Variants in CENPP observed in about 807,000 individuals in gnomAD.
CENPP encodes the protein centromere protein P.
In CENPP, 24 loss-of-function variants were observed where a neutral mutation model predicts 35.6. The observed-to-expected ratio is 0.67, with a 90% CI of 0.49 to 0.95. CENPP has a LOEUF of 0.95. CENPP is among the 40% of genes least tolerant of loss of function. The probability of loss-of-function intolerance (pLI) is 0.00; values close to 1 mark genes in which losing one functional copy is unlikely to be tolerated. For missense variants in CENPP, 332 were observed against 345.3 expected (o/e 0.96, Z 0.31); for synonymous variants, 120 against 125.5 (o/e 0.96, Z 0.29).
chr9:92,497,256 A>T (rs1010353697), intron 5 of CENPP, among the ~76,000 whole-genome samples: 2 of 152,106 alleles, frequency 1.3e-5, no homozygotes, highest in Non-Finnish European at 2.9e-5. Flanking sequence ...GTATATCTGC[A>T]TAATATTCAG....
At chr9:92,565,341 C>T (rs930390098) in intron 5 of CENPP, among the ~76,000 whole-genome samples, 2 of 121,486 alleles carry the variant, frequency 1.6e-5, no homozygotes, top group Non-Finnish European at 1.7e-5. Context: ...GTTTTAAGAA[C>T]GTTTACGAAT....
intron 5 of CENPP, among the ~76,000 whole-genome samples, chr9:92,450,592 G>A (rs1844679713): frequency 6.6e-6 from 1 of 152,030 alleles, no homozygotes; most frequent in African/African-American, 2.4e-5. Flanking sequence ...ATGATTTATA[G>A]TCCTTTGGGT....
chr9:92,385,207 G>A (rs1842372671), intron 5 of CENPP: 1 of 154,812 alleles, frequency 6.5e-6, no homozygotes, highest in Non-Finnish European at 1.4e-5. Flanking sequence ...GCTTTTCAAA[G>A]TTTTTGGAAC....
intron 5 of CENPP, chr9:92,482,654 C>T (rs570926731): frequency 6.6e-5 from 10 of 152,282 alleles, no homozygotes; most frequent in African/African-American, 2.2e-4. Context: ...GGCAACTGGC[C>T]ATTGAAAGTG....
intron 5 of CENPP, among the ~76,000 whole-genome samples, chr9:92,535,414 A>AT (rs1031321964): frequency 6.6e-6 from 1 of 152,034 alleles, no homozygotes; most frequent in African/African-American, 2.4e-5. Context: ...TTATCAAGTA[A>AT]TTTTTTTCCT....
chr9:92,500,252 G>A (rs965221744), intron 5 of CENPP, among the ~76,000 whole-genome samples: 7 of 151,978 alleles, frequency 4.6e-5, no homozygotes, highest in Non-Finnish European at 8.8e-5. Context: ...GCACCATCCC[G>A]GCTCACTGCA....
chr9:92,355,516 C>T (rs1175788), intron 4 of CENPP, among the ~76,000 whole-genome samples: 88,974 of 151,952 alleles, frequency 0.59, 28,597 homozygotes, highest in African/African-American at 0.86. Context: ...TTTTTGAAGG[C>T]TGAATTATTT....
chr9:92,487,462 T>C (rs966440760), intron 5 of CENPP, among the ~76,000 whole-genome samples: 3 of 152,212 alleles, frequency 2.0e-5, no homozygotes, highest in African/African-American at 7.2e-5. Flanking sequence ...ACTAAATCCT[T>C]TTTATAATAA....
At chr9:92,473,937 C>T (rs757409966) in intron 5 of CENPP, among the ~76,000 whole-genome samples, 1 of 152,208 alleles carries the variant, frequency 6.6e-6, no homozygotes, top group Non-Finnish European at 1.5e-5. Context: ...AGTTGTGTGC[C>T]AGACCTTGGC....
intron 5 of CENPP, among the ~76,000 whole-genome samples, chr9:92,489,858 G>A (rs150147976): frequency 4.1e-4 from 62 of 152,252 alleles, no homozygotes; most frequent in African/African-American, 1.5e-3. Context: ...CAGGGTCCCC[G>A]CTGGACCCCC....
At chr9:92,387,538 T>G (rs1267087641) in intron 5 of CENPP, among the ~76,000 whole-genome samples, 1 of 152,148 alleles carries the variant, frequency 6.6e-6, no homozygotes, top group Non-Finnish European at 1.5e-5. Context: ...CTGACATTAC[T>G]CTTTTACCTT....
At chr9:92,577,370 C>A (rs1850308553) in intron 5 of CENPP, among the ~76,000 whole-genome samples, 1 of 152,058 alleles carries the variant, frequency 6.6e-6, no homozygotes, top group East Asian at 1.9e-4. Flanking sequence ...AAAATATTAG[C>A]TGGGCATGGT....
intron 5 of CENPP, among the ~76,000 whole-genome samples, chr9:92,597,696 C>T (rs1210632861): frequency 6.6e-6 from 1 of 152,200 alleles, no homozygotes; most frequent in East Asian, 1.9e-4. Context: ...AATAAACCAA[C>T]TTGGCTCACA....
chr9:92,585,757 G>C (rs745489284), intron 5 of CENPP, among the ~76,000 whole-genome samples: 2 of 152,194 alleles, frequency 1.3e-5, no homozygotes, highest in Non-Finnish European at 2.9e-5. Flanking sequence ...GCTTGGTGAG[G>C]AGAAGGCCTA....
In CENPP at chr9:92,460,435, G is replaced by A. The variant is rs550862117; in HGVS notation, c.564+80576G>A. ...CCAGGGTCCCTGTGCACATTCTCCA[G>A]GAGGTATCATTCTAAGTTAAAATTT... On this transcript the variant is annotated intron_variant, in intron 5 of 7. Coordinates refer to ENST00000375587, the MANE Select transcript of CENPP (RefSeq NM_001012267.3). 3 of 1,240,926 alleles carry A rather than the reference G, an allele frequency of 2.4e-6. No homozygotes were observed. The South Asian group carries it at 3.7e-5, about 15-fold the overall frequency. The allele number at this position is 1,240,926 out of a possible 1,614,324, so 76.9% of individuals were successfully genotyped here. A position where few individuals can be genotyped will look rare whatever the true frequency, so the allele number is the denominator to read the frequency against.
intron 1 of CENPP, among the ~76,000 whole-genome samples, chr9:92,328,591 A>G (rs756047274): frequency 2.0e-5 from 3 of 152,248 alleles, no homozygotes; most frequent in Non-Finnish European, 4.4e-5. Context: ...AATAGTAACT[A>G]ACACTCATTA....
chr9:92,426,958 C>G (rs1843983534), intron 5 of CENPP, among the ~76,000 whole-genome samples: 1 of 152,122 alleles, frequency 6.6e-6, no homozygotes, highest in Non-Finnish European at 1.5e-5. Flanking sequence ...TTTCTAACAT[C>G]ATTTTCCAGT....
chr9:92,524,078 T>G (rs888944091), intron 5 of CENPP, among the ~76,000 whole-genome samples: 1 of 152,252 alleles, frequency 6.6e-6, no homozygotes, highest in Non-Finnish European at 1.5e-5. Context: ...CAAAGATTAC[T>G]TGGGAGATTT....
intron 5 of CENPP, among the ~76,000 whole-genome samples, chr9:92,571,831 G>A (rs1462495594): frequency 6.6e-6 from 1 of 150,914 alleles, no homozygotes; most frequent in Non-Finnish European, 1.5e-5. Context: ...TTACCATTAT[G>A]TAATGGCCTT....
Sources: allele counts gnomAD v4.1 joint callset (sites outside exome capture counted in the v4.1 genomes callset), GRCh38; gene constraint gnomAD v4.1.1; transcripts MANE v1.5; gene names NCBI Gene and HGNC (gene_info 2026-07-23, HGNC 2026-07-21).